Variants in DNAH3 observed in about 807,000 individuals in gnomAD.
DNAH3 encodes axonemal beta dynein heavy chain 3.
Under a neutral mutation model 432.5 loss-of-function variants are expected in DNAH3, and 332 were observed. The ratio of observed to expected loss-of-function variants is 0.77; its 90% CI spans 0.70 to 0.84. The LOEUF (loss-of-function observed/expected upper bound fraction) is 0.84, where lower values mean the gene tolerates loss of function less well. Among genes scored for constraint, DNAH3 ranks in the 40% least tolerant of loss-of-function variants. The pLI is 0.00. For synonymous variants in DNAH3, 1,956 were observed against 1,900.2 expected, an observed-to-expected ratio of 1.03 and a Z score of -0.76; for missense variants, 4,861 against 5,114.0, an observed-to-expected ratio of 0.95 and a Z score of 1.51.
At chr16:21,089,833 T>C (rs1056694972) in intron 18 of DNAH3, among the ~76,000 whole-genome samples, 1 of 151,920 alleles carries the variant, frequency 6.6e-6, no homozygotes, top group Admixed American at 6.6e-5. Context: ...CAGAAATCCA[T>C]TGAAAACAAA....
At chr16:21,053,190 T>C (rs1015425661) in intron 28 of DNAH3, among the ~76,000 whole-genome samples, 4 of 152,200 alleles carry the variant, frequency 2.6e-5, no homozygotes, top group African/African-American at 9.7e-5. Flanking sequence ...TGACAGAGTC[T>C]TCTTTATTAC....
chr16:21,088,611 C>CA (rs1305792699), intron 18 of DNAH3, among the ~76,000 whole-genome samples: 1 of 152,116 alleles, frequency 6.6e-6, no homozygotes, highest in African/African-American at 2.4e-5. Flanking sequence ...TCCCTTTATC[C>CA]ACATGACGTG....
intron 1 of DNAH3, among the ~76,000 whole-genome samples, chr16:21,152,334 A>G (rs749029240): frequency 6.6e-6 from 1 of 152,234 alleles, no homozygotes; most frequent in East Asian, 1.9e-4. Flanking sequence ...TGTCCTGATG[A>G]CCCCGAGTCC....
At chr16:20,967,180 A>T (rs565372157) in intron 52 of DNAH3, among the ~76,000 whole-genome samples, 1 of 152,300 alleles carries the variant, frequency 6.6e-6, no homozygotes, top group East Asian at 1.9e-4. Flanking sequence ...CTAGAAAATG[A>T]TCTGCTTCAT....
At chr16:21,098,361 C>G (rs1002355851) in intron 17 of DNAH3, among the ~76,000 whole-genome samples, 4 of 151,088 alleles carry the variant, frequency 2.6e-5, no homozygotes, top group Non-Finnish European at 5.9e-5. Context: ...ATCACTTGAA[C>G]CCAGGAGGTG....
intron 9 of DNAH3, among the ~76,000 whole-genome samples, chr16:21,124,078 C>T (rs772719683): frequency 9.2e-5 from 14 of 152,214 alleles, no homozygotes; most frequent in Non-Finnish European, 1.9e-4. Context: ...AGGCGTGAGC[C>T]ACCGTGCCTG....
At chr16:20,941,489 C>A (rs773289145) in exon 59 of DNAH3, 12 of 1,614,176 alleles carry the variant, frequency 7.4e-6, no homozygotes, top group East Asian at 2.2e-5. Flanking sequence ...TCTTCCAGGT[C>A]AAAGTCTCTG....
chr16:21,159,344 T>C, exon 1 of DNAH3: 1 of 1,614,076 alleles, frequency 6.2e-7, no homozygotes, highest in Non-Finnish European at 8.5e-7. Flanking sequence ...ACTCCCTTCC[T>C]CCTCTCCTTG....
intron 57 of DNAH3, among the ~76,000 whole-genome samples, chr16:20,945,566 C>T (rs1258310476): frequency 6.6e-6 from 1 of 151,832 alleles, no homozygotes; most frequent in Non-Finnish European, 1.5e-5. Flanking sequence ...TCTTGGCTCA[C>T]TGTAACCTCC....
intron 18 of DNAH3, among the ~76,000 whole-genome samples, chr16:21,092,322 T>C (rs2091558539): frequency 6.6e-6 from 1 of 151,958 alleles, no homozygotes; most frequent in African/African-American, 2.4e-5. Context: ...CACACAAATA[T>C]AGTCAACTGG....
intron 18 of DNAH3, among the ~76,000 whole-genome samples, chr16:21,087,824 G>A (rs2091425749): frequency 6.6e-6 from 1 of 152,156 alleles, no homozygotes; most frequent in African/African-American, 2.4e-5. Flanking sequence ...CTTGAGCCTA[G>A]GAGGTGGAGG....
intron 38 of DNAH3, 105 bp from the exon 39 acceptor site, chr16:21,024,806 A>G (rs2088456360): frequency 2.3e-6 from 2 of 879,906 alleles, no homozygotes; most frequent in African/African-American, 1.6e-5. Flanking sequence ...GCTAGGCATT[A>G]ATGGATCTTG....
At chr16:21,122,161 T>C (rs1858341043) in intron 9 of DNAH3, 37 bp from the exon 11 acceptor site, 3 of 1,558,866 alleles carry the variant, frequency 1.9e-6, no homozygotes, top group South Asian at 2.4e-5. Context: ...CGTTACAAAA[T>C]TGGGCCTTCC....
exon 50 of DNAH3, chr16:20,979,491 A>G: frequency 6.2e-7 from 1 of 1,614,132 alleles, no homozygotes; most frequent in East Asian, 2.2e-5. Context: ...TTGTTGTAAT[A>G]ATCGAGTGAC....
At chr16:21,113,669 G>C (rs535949872) in intron 12 of DNAH3, among the ~76,000 whole-genome samples, 152 of 152,282 alleles carry the variant, frequency 1.0e-3, no homozygotes, top group South Asian at 1.2e-3. Flanking sequence ...ATGTTGGCCA[G>C]GCTGCTCTCA....
intron 10 of DNAH3, 29 bp downstream of exon 11, chr16:21,121,916 G>C: frequency 3.9e-6 from 6 of 1,550,328 alleles, no homozygotes; most frequent in Non-Finnish European, 5.2e-6. Context: ...AAAAAATCAT[G>C]CAAATGAATG....
At position 21,084,631 on chromosome 16, in the gene DNAH3, T is replaced by A. The variant is rs539734462; in HGVS notation, c.2877+2218A>T. ...GCCACGGCACCTGACTGGGATTTTT[T>A]AAATTTAAATTAATTAATTTTTTAA... On this transcript the variant is annotated intron_variant, in intron 19 of 61. Coordinates refer to ENST00000261383, the Ensembl canonical transcript of DNAH3. Among the ~76,000 whole-genome samples the A allele has an allele frequency of 3.7e-4, 56 of 152,222 alleles. No individual in the cohort carries two copies. In the South Asian group the frequency reaches 3.7e-3, roughly 10 times the overall value.
intron 31 of DNAH3, among the ~76,000 whole-genome samples, chr16:21,049,035 C>T (rs1249140468): frequency 6.6e-6 from 1 of 151,744 alleles, no homozygotes; most frequent in Non-Finnish European, 1.5e-5. Context: ...TCACTCTCAC[C>T]CAGGCTGGAA....
Position 21,086,882 on chromosome 16 carries a change from G to T in DNAH3, c.2844C>A (p.Cys948Ter). 6.2e-7 allele frequency: 1 copy of T among 1,614,154 alleles called. No homozygotes were observed. Among genetic ancestry groups the T allele is most frequent in the Non-Finnish European group, 8.5e-7 (1 of 1,179,998 alleles). Residue 948 changes from cysteine to a stop codon, truncating the protein, a stop_gained, in exon 19 of 62, where the codon TGC (cysteine) becomes TGA (stop). Coordinates refer to ENST00000261383, the Ensembl canonical transcript of DNAH3. LOFTEE classifies it high-confidence loss of function. The stretch of plus-strand genomic sequence containing the variant: ...AGTGTCGGTCTTTCATTCCTGGGTT[G>T]CAGGAAATACTGAGGATGGGAATGT...
Sources: gnomAD v4.1 joint callset for allele counts (sites outside exome capture counted in the v4.1 genomes callset) on GRCh38, gnomAD v4.1.1 for gene constraint, MANE v1.5 for transcripts, NCBI Gene and HGNC (gene_info 2026-07-23, HGNC 2026-07-21) for gene names.